Variants in ZNF341 observed in about 807,000 individuals in gnomAD.
ZNF341 encodes zinc finger protein 341.
In ZNF341, 52 loss-of-function variants were observed where a neutral mutation model predicts 87.7. The ratio of observed to expected loss-of-function variants is 0.59; its 90% CI spans 0.47 to 0.75. The LOEUF is 0.75. Ranked by LOEUF, ZNF341 falls within the 30% of genes least tolerant of loss-of-function variation. The probability of loss-of-function intolerance (pLI) is 0.00; values close to 1 mark genes in which losing one functional copy is unlikely to be tolerated. For synonymous variants in ZNF341, 459 were observed against 472.7 expected, an observed-to-expected ratio of 0.97 and a Z score of 0.38; for missense variants, 977 against 1,145.9, an observed-to-expected ratio of 0.85 and a Z score of 2.13.
intron 4 of ZNF341, 34 bp downstream of exon 4, chr20:33,749,106 T>C (rs369641585): frequency 3.7e-5 from 59 of 1,596,430 alleles, no homozygotes; most frequent in Middle Eastern, 3.4e-4. Context: ...AGGGTCTTGA[T>C]TCCAGACCTG....
chr20:33,757,009 C>T (rs1249301963), intron 5 of ZNF341, 139 bp from the exon 6 acceptor site: 16 of 660,970 alleles, frequency 2.4e-5, no homozygotes, highest in South Asian at 4.3e-5. Context: ...CTTGGGTGAC[C>T]GGGCCAGGTG....
At chr20:33,738,632 T>G (rs954134096) in intron 1 of ZNF341, among the ~76,000 whole-genome samples, 6 of 152,132 alleles carry the variant, frequency 3.9e-5, no homozygotes, top group African/African-American at 1.4e-4. Context: ...TTCCAGATAG[T>G]GGAGGGCTTA....
rs192995196 is a variant in ZNF341, at chr20:33,732,515, A to G, written c.31+463A>G. Reference sequence around the variant, plus strand: ...CGGAGCGGACTGTATGCCTCGTGCTAGGACGTAGTCTCAAAATCAGACCAC... The same window carrying G: ...CGGAGCGGACTGTATGCCTCGTGCTGGGACGTAGTCTCAAAATCAGACCAC... On this transcript the variant is annotated intron_variant, in intron 1 of 14. Coordinates refer to ENST00000375200, the MANE Select transcript of ZNF341 (RefSeq NM_001282933.2). This position sits in a 1 kb window ranked among gnomAD's most constrained non-coding sequence, Gnocchi z 4.5. Among the ~76,000 whole-genome samples the G allele has an allele frequency of 4.8e-4, 73 of 152,344 alleles. 1 individual carries two copies. The East Asian group carries it at 0.013, about 28-fold the overall frequency.
At chr20:33,755,938 AT>A (rs1411409323) in intron 5 of ZNF341, among the ~76,000 whole-genome samples, 1 of 151,962 alleles carries the variant, frequency 6.6e-6, no homozygotes, top group Non-Finnish European at 1.5e-5. Context: ...TGGATGATGA[AT>A]AGGCCAGGCA....
In ZNF341 at chr20:33,732,286, G is replaced by C. The variant is rs1255757367; in HGVS notation, c.31+234G>C. Among the ~76,000 whole-genome samples the C allele has an allele frequency of 2.0e-5, 3 of 150,882 alleles. No individual in the cohort carries two copies. Among genetic ancestry groups the C allele is most frequent in the Non-Finnish European group, 4.4e-5 (3 of 67,594 alleles). ...AGCCAGGCCGGCGGGGAGGGGGCTC[G>C]GGTCCGGAACAGCGCCAGCCTGGGC... On this transcript the variant is annotated intron_variant, in intron 1 of 14. Coordinates refer to ENST00000375200, the MANE Select transcript of ZNF341 (RefSeq NM_001282933.2). This position sits in a 1 kb window ranked among gnomAD's most constrained non-coding sequence, Gnocchi z 4.5.
At chr20:33,766,175 G>A (rs772376555) in intron 8 of ZNF341, among the ~76,000 whole-genome samples, 2 of 151,888 alleles carry the variant, frequency 1.3e-5, no homozygotes, top group East Asian at 1.9e-4. Flanking sequence ...GTGAGCCACC[G>A]CACCTGGTGA....
rs541772839 is a variant in ZNF341, at chr20:33,774,477, T to C, written c.1622+4185T>C. On this transcript the variant is annotated intron_variant, in intron 10 of 14. Transcript: ENST00000375200. ...TGGTGGATATCCTTTGGCATATATG[T>C]GTAATAAATATGTTTACAGATATGG... 1.4e-4 allele frequency among the ~76,000 whole-genome samples: 21 copies of C among 152,284 alleles called. No individual in the cohort carries two copies. In the South Asian group the frequency reaches 2.5e-3, roughly 18 times the overall value.
At chr20:33,776,913 C>T (rs940029137) in intron 10 of ZNF341, among the ~76,000 whole-genome samples, 1 of 151,502 alleles carries the variant, frequency 6.6e-6, no homozygotes, top group Non-Finnish European at 1.5e-5. Context: ...TCCTGCCTGG[C>T]CTTCCCAAAG....
chr20:33,772,010 T>TAAACAAAAAAAAAAAAAA (rs2019542397), intron 10 of ZNF341, among the ~76,000 whole-genome samples: 1 of 56,168 alleles, frequency 1.8e-5, no homozygotes, highest in African/African-American at 7.7e-5. Context: ...ACGCTTGTCT[T>TAAACAAAAAAAAAAAAAA]AAAAAAAAAA....
At chr20:33,779,081 C>G (rs1021146688) in intron 10 of ZNF341, among the ~76,000 whole-genome samples, 1 of 152,110 alleles carries the variant, frequency 6.6e-6, no homozygotes. Flanking sequence ...ATTTGACTCA[C>G]GGTTCAGCAG....
In ZNF341 at chr20:33,791,076, C is replaced by T; in HGVS notation, c.2124C>T (p.Asn708=). The T allele has an allele frequency of 6.2e-7, 1 of 1,613,366 alleles. No individual in the cohort carries two copies. Among genetic ancestry groups the T allele is most frequent in the Non-Finnish European group, 8.5e-7 (1 of 1,180,030 alleles). The change falls in exon 15 of 15, where the codon AAC becomes AAT. Residue 708 remains asparagine, a synonymous_variant. Transcript: ENST00000375200. The part of the protein sequence containing the change: ...LAEHQRAHTG[N]YKFRCAGCAK... ...AGCATCAGCGCGCCCACACGGGCAACTACAAGTTCCGCTGTGCTGGCTGCG... is the reference window on the plus strand; with the variant it reads ...AGCATCAGCGCGCCCACACGGGCAATTACAAGTTCCGCTGTGCTGGCTGCG...
At position 33,791,622 on chromosome 20, in the gene ZNF341, G is replaced by A. The variant is rs2020037944; in HGVS notation, c.*105G>A. Reference sequence around the variant, plus strand: ...CTTACCAGTGGAAGCGAGCCATCGAGCCATTGGCAGAAATCCTGCTGAATG... The same window carrying A: ...CTTACCAGTGGAAGCGAGCCATCGAACCATTGGCAGAAATCCTGCTGAATG... On this transcript the variant is annotated 3_prime_UTR_variant, in exon 15 of 15. Coordinates refer to ENST00000375200, the MANE Select transcript of ZNF341 (RefSeq NM_001282933.2). 7.8e-7 allele frequency: 1 copy of A among 1,276,550 alleles called. No individual in the cohort carries two copies. The highest frequency in any genetic ancestry group is 1.5e-5 in the African/African-American group (1 of 66,756). 79.1% of individuals were successfully genotyped at this position (1,276,550 alleles called of 1,614,324 possible). A position where few individuals can be genotyped will look rare whatever the true frequency, so the allele number is the denominator to read the frequency against.
intron 8 of ZNF341, among the ~76,000 whole-genome samples, chr20:33,766,477 G>A (rs1014237128): frequency 1.3e-5 from 2 of 152,158 alleles, no homozygotes; most frequent in African/African-American, 4.8e-5. Context: ...TTACAGGTGT[G>A]AGCCATCGCA....
chr20:33,751,789 C>G (rs1460062913), intron 4 of ZNF341, among the ~76,000 whole-genome samples: 1 of 152,014 alleles, frequency 6.6e-6, no homozygotes, highest in Non-Finnish European at 1.5e-5. Flanking sequence ...GTTGCCCAGG[C>G]TGGTCTCAAA....
chr20:33,776,061 A>T (rs1181349714), intron 10 of ZNF341, among the ~76,000 whole-genome samples: 1 of 151,820 alleles, frequency 6.6e-6, no homozygotes, highest in Admixed American at 6.6e-5. Flanking sequence ...TATGTATTTT[A>T]ATTTTAATAT....
chr20:33,772,010 TAAAAAAAA>T (rs57345366), intron 10 of ZNF341, among the ~76,000 whole-genome samples: 7 of 56,168 alleles, frequency 1.2e-4, no homozygotes, highest in African/African-American at 5.4e-4. Flanking sequence ...ACGCTTGTCT[TAAAAAAAA>T]AAAAAAAAAA....
intron 2 of ZNF341, among the ~76,000 whole-genome samples, chr20:33,744,431 AG>A (rs1432886135): frequency 6.6e-6 from 1 of 152,090 alleles, no homozygotes; most frequent in Admixed American, 6.6e-5. Flanking sequence ...AAGGCATGGG[AG>A]GAGTATGATC....
chr20:33,781,686 T>C (rs2019750404), intron 11 of ZNF341, among the ~76,000 whole-genome samples: 1 of 150,556 alleles, frequency 6.6e-6, no homozygotes, highest in Non-Finnish European at 1.5e-5. Context: ...TTATTACAAT[T>C]GGCTCTTCTT....
intron 1 of ZNF341, among the ~76,000 whole-genome samples, chr20:33,738,232 A>G (rs968972013): frequency 2.0e-5 from 3 of 152,128 alleles, no homozygotes; most frequent in Admixed American, 2.0e-4. Context: ...TGAGTGCAAG[A>G]GTTTGAGACT....
Sources: allele counts gnomAD v4.1 joint callset (sites outside exome capture counted in the v4.1 genomes callset), GRCh38; gene constraint gnomAD v4.1.1; non-coding constraint Gnocchi (gnomAD v3.1); transcripts MANE v1.5; gene names NCBI Gene and HGNC (gene_info 2026-07-23, HGNC 2026-07-21).